Variants in SSH2 observed in about 807,000 individuals in gnomAD.
The protein encoded by SSH2 is protein phosphatase Slingshot homolog 2.
SSH2 carries 37 observed loss-of-function variants against 135.2 expected under a neutral mutation model. The observed-to-expected ratio is 0.27, with a 90% CI of 0.21 to 0.36. SSH2 has a LOEUF of 0.36. SSH2 is among the 10% of genes least tolerant of loss of function. The probability of loss-of-function intolerance (pLI) is 1.00; values close to 1 mark genes in which losing one functional copy is unlikely to be tolerated. For synonymous variants in SSH2, 628 were observed against 646.2 expected, an observed-to-expected ratio of 0.97 and a Z score of 0.43; for missense variants, 1,408 against 1,765.3, an observed-to-expected ratio of 0.80 and a Z score of 3.63.
intron 14 of SSH2, among the ~76,000 whole-genome samples, chr17:29,638,543 CACACACACACACACACACAG>C (rs1282171966): frequency 1.3e-5 from 2 of 149,632 alleles, no homozygotes; most frequent in African/African-American, 5.0e-5. Context: ...CACACACACA[CACACACACACACACACACAG>C]AGACAGGGTA....
In SSH2 at chr17:29,858,752, G is replaced by A. The variant is rs138388812; in HGVS notation, c.64-9823C>T. Among the ~76,000 whole-genome samples, 19 of 152,142 alleles carry A rather than the reference G, an allele frequency of 1.2e-4. No homozygotes were observed. In the East Asian group the frequency reaches 2.1e-3, roughly 17 times the overall value. ...AACAAAATAGCTGGGCATGCCTGTC[G>A]CCCTAACTACTCGGGAGGCTGAGGC... On this transcript the variant is annotated intron_variant, in intron 1 of 15. Coordinates refer to ENST00000540801, the MANE Select transcript of SSH2 (RefSeq NM_001282129.2).
Position 29,865,371 on chromosome 17 carries a change from T to A in SSH2, c.64-16442A>T, listed in dbSNP as rs536659764. ...TTAAACTCAATTTGGAAATTAGAGA[T>A]CCCCAGCAGGAAAGCTTTACAACCC... is the stretch of plus-strand genomic sequence containing the variant. On this transcript the variant is annotated intron_variant, in intron 1 of 15. Transcript: ENST00000540801. Among the ~76,000 whole-genome samples, 306 of 152,218 alleles carry A rather than the reference T, an allele frequency of 2.0e-3. 1 individual carries two copies. Among genetic ancestry groups the A allele is most frequent in the African/African-American group, 7.1e-3 (294 of 41,528 alleles).
intron 3 of SSH2, among the ~76,000 whole-genome samples, chr17:29,706,775 A>AT (rs1005122074): frequency 6.6e-6 from 1 of 152,230 alleles, no homozygotes; most frequent in Non-Finnish European, 1.5e-5. Context: ...AAGTGTGTAT[A>AT]TTTGTTGAAG....
At chr17:29,747,134 C>A (rs926764475) in intron 3 of SSH2, among the ~76,000 whole-genome samples, 2 of 152,076 alleles carry the variant, frequency 1.3e-5, no homozygotes, top group African/African-American at 4.8e-5. Context: ...AATTATCTCA[C>A]GTGATATCCA....
intron 3 of SSH2, among the ~76,000 whole-genome samples, chr17:29,709,015 T>TAGAGAGAGAG (rs58190730): frequency 7.7e-4 from 63 of 81,582 alleles, no homozygotes; most frequent in East Asian, 1.4e-3. Context: ...TATATATATA[T>TAGAGAGAGAG]AGAGAGAGAG....
Position 29,629,960 on chromosome 17 carries a change from T to TTC in SSH2, c.*879_*880dup, listed in dbSNP as rs2035603525. ...TTCATTTTACAAGAACACACTGACTTTCGATTGCTGCTTTTCAAACATGTC... is the reference window on the plus strand; with the variant it reads ...TTCATTTTACAAGAACACACTGACTTTCTCGATTGCTGCTTTTCAAACATGTC... On this transcript the variant is annotated 3_prime_UTR_variant, in exon 16 of 16. Transcript: ENST00000540801. The TTC allele has an allele frequency of 6.6e-6, 1 of 152,588 alleles. No individual in the cohort carries two copies. Among genetic ancestry groups the TTC allele is most frequent in the Non-Finnish European group, 1.5e-5 (1 of 68,028 alleles). The allele number at this position is 152,588 out of a possible 1,614,324, so 9.5% of individuals were successfully genotyped here.
chr17:29,775,382 AG>A (rs2041677616), intron 3 of SSH2, among the ~76,000 whole-genome samples: 1 of 149,534 alleles, frequency 6.7e-6, no homozygotes, highest in African/African-American at 2.5e-5. Context: ...TCTGCCTCCC[AG>A]GCTCAAGTGA....
At chr17:29,822,358 G>A (rs2042668815) in intron 2 of SSH2, among the ~76,000 whole-genome samples, 1 of 151,976 alleles carries the variant, frequency 6.6e-6, no homozygotes, top group Admixed American at 6.6e-5. Flanking sequence ...TATGAGCCAG[G>A]GACCCTTTTT....
chr17:29,664,096 T>C (rs1367573819), intron 11 of SSH2, among the ~76,000 whole-genome samples: 1 of 152,154 alleles, frequency 6.6e-6, no homozygotes, highest in Non-Finnish European at 1.5e-5. Context: ...GTAAAAAAGA[T>C]TGGGGCTGGG....
chr17:29,915,784 T>A (rs981674330), intron 1 of SSH2, among the ~76,000 whole-genome samples: 21 of 151,890 alleles, frequency 1.4e-4, no homozygotes, highest in Admixed American at 3.3e-4. Flanking sequence ...TAAAAAAAAA[T>A]GAAGCCATTA....
intron 3 of SSH2, among the ~76,000 whole-genome samples, chr17:29,781,523 G>A (rs559101821): frequency 2.3e-5 from 3 of 129,298 alleles, no homozygotes; most frequent in East Asian, 2.3e-4. Context: ...TCCATTGCCC[G>A]GGCTAGAGTG....
At chr17:29,859,950 G>A (rs1016656090) in intron 1 of SSH2, among the ~76,000 whole-genome samples, 1 of 152,046 alleles carries the variant, frequency 6.6e-6, no homozygotes, top group Admixed American at 6.6e-5. Flanking sequence ...GAGTTCAAGC[G>A]ATTCTCCTGC....
intron 1 of SSH2, among the ~76,000 whole-genome samples, chr17:29,875,920 A>G (rs1336396076): frequency 1.3e-5 from 2 of 151,776 alleles, no homozygotes; most frequent in African/African-American, 4.8e-5. Context: ...TGTAACTACG[A>G]ATTTGTACAC....
intron 1 of SSH2, among the ~76,000 whole-genome samples, chr17:29,853,153 C>G (rs1335338289): frequency 6.9e-6 from 1 of 145,606 alleles, no homozygotes; most frequent in Non-Finnish European, 1.5e-5. Flanking sequence ...GTGGCGCGAT[C>G]TCTGCTCACT....
chr17:29,679,570 C>A (rs1442448014), intron 6 of SSH2, among the ~76,000 whole-genome samples: 1 of 152,194 alleles, frequency 6.6e-6, no homozygotes, highest in South Asian at 2.1e-4. Flanking sequence ...CCACGCCCAG[C>A]TAATTTTGTA....
chr17:29,895,246 T>C (rs1017053869), intron 1 of SSH2, among the ~76,000 whole-genome samples: 53 of 138,960 alleles, frequency 3.8e-4, no homozygotes, highest in African/African-American at 1.2e-3. Flanking sequence ...ATATACATTA[T>C]ATATACATTT....
intron 3 of SSH2, among the ~76,000 whole-genome samples, chr17:29,712,864 G>T (rs1477801836): frequency 6.6e-6 from 1 of 152,140 alleles, no homozygotes; most frequent in Non-Finnish European, 1.5e-5. Flanking sequence ...ATCAACTGAA[G>T]CCCAGAGAAT....
In SSH2 at chr17:29,895,192, T is replaced by C. The variant is rs1163663783; in HGVS notation, c.63+34746A>G. 3.5e-5 allele frequency among the ~76,000 whole-genome samples: 5 copies of C among 144,658 alleles called. No homozygotes were observed. In the Admixed American group the frequency reaches 3.6e-4, roughly 10 times the overall value. 94.9% of individuals were successfully genotyped at this position (144,658 alleles called of 152,430 possible). A position where few individuals can be genotyped will look rare whatever the true frequency, so the allele number is the denominator to read the frequency against. ...AAATACATTATACATATATTTTATA[T>C]ACATTATATTATATATTATATATAT... On this transcript the variant is annotated intron_variant, in intron 1 of 15. Transcript: ENST00000540801.
intron 3 of SSH2, among the ~76,000 whole-genome samples, chr17:29,754,032 A>G (rs2041037318): frequency 6.6e-6 from 1 of 152,192 alleles, no homozygotes; most frequent in Admixed American, 6.5e-5. Flanking sequence ...TTCTACCATC[A>G]AGCCATGTAG....
Sources: allele counts gnomAD v4.1 joint callset (sites outside exome capture counted in the v4.1 genomes callset), GRCh38; gene constraint gnomAD v4.1.1; transcripts MANE v1.5; gene names NCBI Gene and HGNC (gene_info 2026-07-23, HGNC 2026-07-21).